OTUD7B: variants seen among roughly 807,000 people sequenced by gnomAD.
The protein encoded by OTUD7B is OTU deubiquitinase 7B.
A neutral mutation model predicts 82.2 loss-of-function variants in OTUD7B; 34 were observed. The ratio of observed to expected loss-of-function variants is 0.41; its 90% CI spans 0.31 to 0.55. The LOEUF is 0.55. Among genes scored for constraint, OTUD7B ranks in the 20% least tolerant of loss-of-function variants. The probability of loss-of-function intolerance (pLI) is 0.20; values close to 1 mark genes in which losing one functional copy is unlikely to be tolerated. For missense variants in OTUD7B, 944 were observed against 1,062.1 expected, an observed-to-expected ratio of 0.89 and a Z score of 1.55; for synonymous variants, 398 against 402.7, an observed-to-expected ratio of 0.99 and a Z score of 0.14.
At chr1:150,015,694 T>G (rs1432770611), upstream of OTUD7B, among the ~76,000 whole-genome samples, 6 of 152,162 alleles carry the variant, frequency 3.9e-5, no homozygotes, top group African/African-American at 1.4e-4. Flanking sequence ...TCCATCCTCC[T>G]TCTTCCTCCA....
chr1:150,003,601 A>G (rs1652452403), intron 1 of OTUD7B, among the ~76,000 whole-genome samples: 1 of 152,000 alleles, frequency 6.6e-6, no homozygotes, highest in Non-Finnish European at 1.5e-5. Context: ...CTATCTATAT[A>G]TTTACATATC....
chr1:149,994,476 G>A (rs1229453062), intron 1 of OTUD7B, among the ~76,000 whole-genome samples: 10 of 151,294 alleles, frequency 6.6e-5, no homozygotes, highest in Admixed American at 6.6e-4. Flanking sequence ...AGCTACTTGG[G>A]AGGCTGAGGC....
chr1:149,987,838 G>A (rs1651257658), intron 1 of OTUD7B, among the ~76,000 whole-genome samples: 1 of 152,068 alleles, frequency 6.6e-6, no homozygotes, highest in Non-Finnish European at 1.5e-5. Flanking sequence ...CCACCAGATG[G>A]TCTCTCAAAA....
chr1:149,968,281 C>G (rs868995501), intron 3 of OTUD7B, among the ~76,000 whole-genome samples: 2,719 of 121,848 alleles, frequency 0.022, 76 homozygotes, highest in African/African-American at 0.074. Flanking sequence ...AAAAAAAAGA[C>G]AATCAACAAC....
rs782622140 is a variant in OTUD7B, at chr1:149,950,104, G to A, written c.963C>T (p.Ser321=). 8.1e-6 allele frequency: 13 copies of A among 1,613,820 alleles called. No individual in the cohort carries two copies. Among genetic ancestry groups the A allele is most frequent in the East Asian group, 2.2e-5 (1 of 44,898 alleles). ...GACTGGCTGACTCACCTTCCCCTCC[G>A]GAGTCCCTCAGCATGGTGTCTGCCA... ...VVVADTMLRD[S]GGEAFAPIPF... is the part of the protein sequence containing the mutation. The change falls in exon 8 of 12, where the codon TCC becomes TCT. Residue 321 remains serine, a synonymous_variant. Coordinates refer to ENST00000581312, the MANE Select transcript of OTUD7B (RefSeq NM_020205.4).
intron 1 of OTUD7B, among the ~76,000 whole-genome samples, chr1:149,986,362 C>T (rs1390148112): frequency 1.3e-5 from 2 of 152,044 alleles, no homozygotes; most frequent in African/African-American, 2.4e-5. Flanking sequence ...TGTTATACGA[C>T]TTTATTTGCA....
At chr1:150,023,008 T>C in the OTUD7B span, among the ~76,000 whole-genome samples, 176 of 152,290 alleles carry the variant, frequency 1.2e-3, no homozygotes, top group African/African-American at 4.2e-3. Flanking sequence ...AACTGGGTAC[T>C]AGAAAAAACA....
At chr1:149,986,019 T>C (rs1651109827) in intron 1 of OTUD7B, among the ~76,000 whole-genome samples, 1 of 152,134 alleles carries the variant, frequency 6.6e-6, no homozygotes, top group African/African-American at 2.4e-5. Context: ...ATTGCCCACT[T>C]CTTTCTTGGT....
In OTUD7B at chr1:149,944,006, G is replaced by A; in HGVS notation, c.2383C>T (p.Leu795Phe). 1.9e-6 allele frequency: 3 copies of A among 1,614,242 alleles called. No homozygotes were observed. Among genetic ancestry groups the A allele is most frequent in the African/African-American group, 1.3e-5 (1 of 75,062 alleles). ...PDGWAGGLRG[L>F]PPTQTKCKQP... is the part of the protein sequence containing the mutation. ...TTGCATTTGGTCTGAGTTGGGGGAA[G>A]GCCCCGGAGACCTCCAGCCCATCCA... Residue 795 changes from leucine (L) to phenylalanine (F), a missense_variant, in exon 12 of 12, where the codon CTT becomes TTT. Leu to Phe is a conservative substitution (Grantham distance 22). Transcript: ENST00000581312.
the OTUD7B span, among the ~76,000 whole-genome samples, chr1:150,037,964 G>A: frequency 6.6e-6 from 1 of 151,692 alleles, no homozygotes; most frequent in Admixed American, 6.6e-5. Context: ...CACCTCCCCA[G>A]GCTCAGGGCA....
rs587673767 is a variant in OTUD7B, at chr1:149,960,114, T to C, written c.733-318A>G. On this transcript the variant is annotated intron_variant, in intron 6 of 11. Transcript: ENST00000581312. Reference sequence around the variant, plus strand: ...TTGGCAAAGAACAATGACCTTCTAATTGCCACATTCAGTGGACCCTGGTTC... The same window carrying C: ...TTGGCAAAGAACAATGACCTTCTAACTGCCACATTCAGTGGACCCTGGTTC... Among the ~76,000 whole-genome samples the C allele has an allele frequency of 3.9e-4, 60 of 152,258 alleles. 1 individual carries two copies. The South Asian group carries it at 0.012, about 31-fold the overall frequency.
chr1:149,947,367 AC>A, intron 10 of OTUD7B, 32 bp from the exon 11 acceptor site: 1 of 1,331,524 alleles, frequency 7.5e-7, no homozygotes, highest in Non-Finnish European at 1.1e-6. Flanking sequence ...AATTACTGTC[AC>A]CTTTTAAAAG....
chr1:150,013,698 G>A (rs1401965475), upstream of OTUD7B, among the ~76,000 whole-genome samples: 12 of 151,522 alleles, frequency 7.9e-5, no homozygotes, highest in Admixed American at 2.6e-4. Flanking sequence ...TGAGGCAGGC[G>A]GATCATGAGG....
chr1:149,960,825 T>A (rs1649101921), intron 6 of OTUD7B: 1 of 151,872 alleles, frequency 6.6e-6, no homozygotes, highest in African/African-American at 2.4e-5. Flanking sequence ...CCTACCTTAG[T>A]GAATAGCACC....
At chr1:150,020,431 G>A in the OTUD7B span, among the ~76,000 whole-genome samples, 1 of 152,154 alleles carries the variant, frequency 6.6e-6, no homozygotes, top group Admixed American at 6.5e-5. Flanking sequence ...CAGCTATTCA[G>A]GAGACTGAAG....
the OTUD7B span, among the ~76,000 whole-genome samples, chr1:150,058,372 G>A: frequency 2.0e-5 from 3 of 152,196 alleles, no homozygotes; most frequent in East Asian, 5.8e-4. Flanking sequence ...TAATGGGCAT[G>A]GTAGCACATC....
the OTUD7B span, among the ~76,000 whole-genome samples, chr1:150,065,814 C>A: frequency 7.5e-6 from 1 of 133,838 alleles, no homozygotes; most frequent in African/African-American, 4.1e-5. Flanking sequence ...CATCACAGCA[C>A]CCTTTAAATA....
chr1:149,998,674 T>C (rs1214589601), intron 1 of OTUD7B, among the ~76,000 whole-genome samples: 2 of 152,258 alleles, frequency 1.3e-5, no homozygotes, highest in Non-Finnish European at 2.9e-5. Flanking sequence ...TTACTATTTA[T>C]CTATTTATGC....
intron 1 of OTUD7B, among the ~76,000 whole-genome samples, chr1:149,978,646 C>T (rs1471334874): frequency 1.3e-5 from 2 of 152,214 alleles, no homozygotes; most frequent in Non-Finnish European, 2.9e-5. Context: ...ACGTCTTTCT[C>T]CACACAGGAC....
Sources: allele counts gnomAD v4.1 joint callset (sites outside exome capture counted in the v4.1 genomes callset), GRCh38; gene constraint gnomAD v4.1.1; transcripts MANE v1.5; gene names NCBI Gene and HGNC (gene_info 2026-07-23, HGNC 2026-07-21).